Variants in PRKX observed in about 807,000 individuals in gnomAD.
PRKX encodes the protein protein kinase cAMP-dependent X-linked catalytic subunit, also known as cAMP-dependent protein kinase catalytic subunit PRKX.
PRKX carries 12 observed loss-of-function variants against 22.0 expected under a neutral mutation model. The observed-to-expected ratio is 0.54, with a 90% CI of 0.35 to 0.88. The LOEUF (loss-of-function observed/expected upper bound fraction) is 0.88. Ranked by LOEUF, PRKX falls within the 40% of genes least tolerant of loss-of-function variation. The pLI is 0.01. For missense variants in PRKX, 217 were observed against 308.0 expected, an observed-to-expected ratio of 0.70 and a Z score of 2.21; for synonymous variants, 134 against 137.7, an observed-to-expected ratio of 0.97 and a Z score of 0.19.
intron 2 of PRKX, among the ~76,000 whole-genome samples, chrX:3,671,393 C>T (rs1927844721): frequency 9.0e-6 from 1 of 111,632 alleles, no homozygotes; most frequent in African/African-American, 3.3e-5. Flanking sequence ...CCGAGCTCGG[C>T]CCCAAATCAG....
At chrX:3,662,963 A>C (rs1323641971) in intron 2 of PRKX, among the ~76,000 whole-genome samples, 2 of 98,891 alleles carry the variant, frequency 2.0e-5, no homozygotes, top group East Asian at 6.2e-4. Context: ...GCACCACTGC[A>C]CTCCATCTTG....
At chrX:3,666,136 G>A (rs1481949921) in intron 2 of PRKX, among the ~76,000 whole-genome samples, 2 of 100,609 alleles carry the variant, frequency 2.0e-5, no homozygotes, top group Non-Finnish European at 4.0e-5. Context: ...TCAGCCTCCC[G>A]AGTAGTGAAC....
At chrX:3,665,129 T>C (rs1423107504) in intron 2 of PRKX, among the ~76,000 whole-genome samples, 2 of 111,038 alleles carry the variant, frequency 1.8e-5, no homozygotes, top group African/African-American at 3.3e-5. Context: ...TGTGCGTGCA[T>C]GTGTGTGTGC....
At chrX:3,693,593 T>C (rs192116450) in intron 1 of PRKX, among the ~76,000 whole-genome samples, 91 of 111,036 alleles carry the variant, frequency 8.2e-4, no homozygotes, top group African/African-American at 2.8e-3. Flanking sequence ...CCCCCAAAAA[T>C]ATGTCTACAT....
intron 2 of PRKX, among the ~76,000 whole-genome samples, chrX:3,658,010 C>CAG (rs1163682801): frequency 9.0e-6 from 1 of 111,490 alleles, no homozygotes; most frequent in Non-Finnish European, 1.9e-5. Context: ...GTTTGTTTTT[C>CAG]AGAGAGTTTT....
intron 4 of PRKX, among the ~76,000 whole-genome samples, chrX:3,629,127 G>A (rs1318567167): frequency 8.9e-6 from 1 of 112,347 alleles, no homozygotes; most frequent in Non-Finnish European, 1.9e-5. Flanking sequence ...CACCTTTCTC[G>A]AGGCTTCCTT....
chrX:3,655,579 A>G (rs1319977549), intron 2 of PRKX, among the ~76,000 whole-genome samples, 167 bp from the exon 3 acceptor site: 2 of 112,676 alleles, frequency 1.8e-5, no homozygotes, highest in Non-Finnish European at 3.8e-5. Context: ...AGATATCAGC[A>G]CATGGGTAAA....
intron 4 of PRKX, among the ~76,000 whole-genome samples, chrX:3,639,655 C>T (rs1333727350): frequency 9.2e-6 from 1 of 109,062 alleles, no homozygotes. Context: ...ATAAACAATA[C>T]ACATGGATAG....
intron 5 of PRKX, among the ~76,000 whole-genome samples, chrX:3,621,908 G>A (rs1926565783): frequency 9.0e-6 from 1 of 110,984 alleles, no homozygotes; most frequent in Admixed American, 9.7e-5. Context: ...GGAGGCCGAG[G>A]CGGGTGGATC....
chrX:3,629,257 T>G (rs1207368770), intron 4 of PRKX, among the ~76,000 whole-genome samples: 42 of 107,656 alleles, frequency 3.9e-4, no homozygotes, highest in Non-Finnish European at 1.5e-4. Flanking sequence ...TTTTTTTTTT[T>G]GAGACAGGGT....
chrX:3,705,691 CTTTT>C (rs1365283802), intron 1 of PRKX, among the ~76,000 whole-genome samples: 1 of 101,814 alleles, frequency 9.8e-6, no homozygotes, highest in African/African-American at 3.6e-5. Flanking sequence ...TTTTTCTTTT[CTTTT>C]TTTTTTTTTG....
At chrX:3,628,311 G>A (rs1603473362) in intron 4 of PRKX, among the ~76,000 whole-genome samples, 1 of 110,896 alleles carries the variant, frequency 9.0e-6, no homozygotes, top group African/African-American at 3.3e-5. Flanking sequence ...CAGATAGGAG[G>A]AATATGTTCC....
At chrX:3,617,125 C>T (rs775632916) in intron 6 of PRKX, among the ~76,000 whole-genome samples, 1 of 94,287 alleles carries the variant, frequency 1.1e-5, no homozygotes, top group Non-Finnish European at 2.1e-5. Flanking sequence ...TTAATATATA[C>T]ACACATATAT....
intron 2 of PRKX, among the ~76,000 whole-genome samples, chrX:3,656,137 A>G (rs186460420): frequency 8.9e-6 from 1 of 112,232 alleles, no homozygotes; most frequent in Non-Finnish European, 1.9e-5. Flanking sequence ...GAATATGGAT[A>G]GAGATCAATG....
intron 4 of PRKX, among the ~76,000 whole-genome samples, chrX:3,628,149 G>A (rs1192341128): frequency 8.1e-5 from 9 of 111,099 alleles, no homozygotes; most frequent in Non-Finnish European, 1.5e-4. Context: ...GCCAGGAAAA[G>A]AACATTAAAC....
At chrX:3,627,608 T>C (rs56263718) in intron 4 of PRKX, among the ~76,000 whole-genome samples, 7,504 of 108,442 alleles carry the variant, frequency 0.069, 246 homozygotes, top group Non-Finnish European at 0.1. Flanking sequence ...ATCACAGGTA[T>C]CTGCCACCAT....
At chrX:3,630,355 T>C (rs1316386383) in intron 4 of PRKX, among the ~76,000 whole-genome samples, 2 of 111,159 alleles carry the variant, frequency 1.8e-5, no homozygotes. Context: ...GTCAAGGAGA[T>C]CGAGACCATC....
At chrX:3,639,839 A>T (rs1927031745) in intron 4 of PRKX, among the ~76,000 whole-genome samples, 2 of 110,757 alleles carry the variant, frequency 1.8e-5, no homozygotes, top group African/African-American at 6.6e-5. Flanking sequence ...AGATAAGCAC[A>T]TGGGACGATG....
intron 1 of PRKX, among the ~76,000 whole-genome samples, chrX:3,684,584 A>C (rs1928138402): frequency 9.0e-6 from 1 of 111,618 alleles, no homozygotes; most frequent in African/African-American, 3.3e-5. Flanking sequence ...CTTCTATGTA[A>C]ATAAAGTACT....
Sources: allele counts gnomAD v4.1 joint callset (sites outside exome capture counted in the v4.1 genomes callset), GRCh38; gene constraint gnomAD v4.1.1; transcripts MANE v1.5; gene names NCBI Gene and HGNC (gene_info 2026-07-23, HGNC 2026-07-21).